PRAG1: variants seen among roughly 807,000 people sequenced by gnomAD.
PRAG1 encodes PEAK1 related, kinase-activating pseudokinase 1.
Under a neutral mutation model 95.6 loss-of-function variants are expected in PRAG1, and 110 were observed. The observed-to-expected ratio is 1.15, with a 90% CI of 0.99 to 1.35. The LOEUF (loss-of-function observed/expected upper bound fraction) is 1.35. PRAG1 is among the 40% of genes most tolerant of loss of function. The probability of loss-of-function intolerance (pLI) is 0.00; values close to 1 mark genes in which losing one functional copy is unlikely to be tolerated. For synonymous variants in PRAG1, 1,052 were observed against 819.4 expected (o/e 1.28, Z -4.85); for missense variants, 2,554 against 1,864.7 (o/e 1.37, Z -6.81).
chr8:8,323,188 G>A (rs1371559533), intron 5 of PRAG1, among the ~76,000 whole-genome samples: 1 of 152,134 alleles, frequency 6.6e-6, no homozygotes, highest in Non-Finnish European at 1.5e-5. Flanking sequence ...GTTTGGCTGT[G>A]TCCCCAAACG....
rs757695897 is a variant in PRAG1, at chr8:8,328,082, G to T, written c.2700C>A (p.Gly900=). ...GHWLPAAGLA[G]NRGGCGSPGL... The stretch of plus-strand genomic sequence containing the variant: ...CAGGGCTCCCGCAGCCGCCTCTGTT[G>T]CCCGCCAGCCCTGCTGCCGGAAGCC... The change falls in exon 5 of 6, where the codon GGC becomes GGA. Residue 900 remains glycine, a synonymous_variant. Coordinates refer to ENST00000615670, the MANE Select transcript of PRAG1 (RefSeq NM_001080826.3). 4.4e-6 allele frequency: 7 copies of T among 1,607,614 alleles called. 1 individual carries two copies. In the South Asian group the frequency reaches 6.6e-5, roughly 15 times the overall value.
chr8:8,347,694 G>A (rs1413419856), intron 3 of PRAG1, among the ~76,000 whole-genome samples: 1 of 152,154 alleles, frequency 6.6e-6, no homozygotes, highest in East Asian at 1.9e-4. Flanking sequence ...TCTGTGCCAA[G>A]CGCTGTTAGG....
At chr8:8,375,424 G>C (rs541243534) in intron 3 of PRAG1, among the ~76,000 whole-genome samples, 1 of 151,958 alleles carries the variant, frequency 6.6e-6, no homozygotes, top group Admixed American at 6.6e-5. Flanking sequence ...GGATGGTCTC[G>C]ATCTCCTGAT....
At chr8:8,366,708 T>G (rs1044826703) in intron 3 of PRAG1, among the ~76,000 whole-genome samples, 2 of 152,042 alleles carry the variant, frequency 1.3e-5, no homozygotes, top group African/African-American at 2.4e-5. Context: ...AGACAAGATC[T>G]GACCTTGTCA....
chr8:8,385,003 T>G (rs530927800), intron 1 of PRAG1, among the ~76,000 whole-genome samples: 19 of 152,268 alleles, frequency 1.2e-4, no homozygotes, highest in Middle Eastern at 3.4e-3. Context: ...CCACCCCATT[T>G]CAAAAAAGAA....
rs749305020 is a variant in PRAG1, at chr8:8,376,228, G to A, written c.2162+19C>T. The A allele has an allele frequency of 1.1e-5, 18 of 1,605,410 alleles. No homozygotes were observed. The South Asian group carries it at 1.6e-4, about 14-fold the overall frequency. ...CCTTTGCCCTGCAGACAGAGTCCCA[G>A]GCAGACAATGGTACTCACCGCGACT... On this transcript the variant is annotated intron_variant, in intron 3 of 5. Transcript: ENST00000615670.
At position 8,318,979 on chromosome 8, in the gene PRAG1, C is replaced by G. The variant is rs1201540142; in HGVS notation, c.3396G>C (p.Gly1132=). Residue 1132 remains glycine, a synonymous_variant, in exon 6 of 6, where the codon GGG becomes GGC. Transcript: ENST00000615670. The surrounding 1 kb of genome is among the most constrained non-coding windows in gnomAD (Gnocchi z 4.2). ...VCFLLLQLCN[G]LEHLKEHGII... Reference sequence around the variant, plus strand: ...TCCCGTGCTCCTTCAGGTGCTCCAGCCCGTTGCAGAGTTGCAGAAGCAGGA... The same window carrying G: ...TCCCGTGCTCCTTCAGGTGCTCCAGGCCGTTGCAGAGTTGCAGAAGCAGGA... The G allele has an allele frequency of 2.5e-6, 4 of 1,613,242 alleles. No individual in the cohort carries two copies. Among genetic ancestry groups the G allele is most frequent in the Non-Finnish European group, 2.5e-6 (3 of 1,179,776 alleles).
chr8:8,335,015 G>A (rs1298380981), intron 4 of PRAG1, among the ~76,000 whole-genome samples: 2 of 151,732 alleles, frequency 1.3e-5, no homozygotes, highest in African/African-American at 2.4e-5. Flanking sequence ...GGCTTGCAGT[G>A]AGCAGAGATT....
chr8:8,355,390 G>A (rs988902686), intron 3 of PRAG1, among the ~76,000 whole-genome samples: 1 of 151,970 alleles, frequency 6.6e-6, no homozygotes, highest in Non-Finnish European at 1.5e-5. Flanking sequence ...CAAAGGCATT[G>A]TTCACAGAAA....
chr8:8,370,913 T>C (rs1585269208), intron 3 of PRAG1, among the ~76,000 whole-genome samples: 1 of 151,902 alleles, frequency 6.6e-6, no homozygotes, highest in African/African-American at 2.4e-5. Context: ...CTTTGGCAGG[T>C]GGATTACTTG....
intron 5 of PRAG1, among the ~76,000 whole-genome samples, chr8:8,324,432 C>T (rs1291925325): frequency 6.6e-6 from 1 of 152,016 alleles, no homozygotes; most frequent in African/African-American, 2.4e-5. Context: ...AGGCCAGCAA[C>T]GGAGAAGGCT....
chr8:8,346,328 T>C (rs1480040766), intron 3 of PRAG1, among the ~76,000 whole-genome samples: 1 of 152,246 alleles, frequency 6.6e-6, no homozygotes. Context: ...CACAGATGTC[T>C]TCACTCACGT....
intron 3 of PRAG1, among the ~76,000 whole-genome samples, chr8:8,354,295 G>A (rs944034403): frequency 2.0e-5 from 3 of 151,484 alleles, no homozygotes; most frequent in Non-Finnish European, 2.9e-5. Flanking sequence ...TTCCAACGAA[G>A]AAAACCCCAG....
chr8:8,324,554 C>A (rs750392168), intron 5 of PRAG1, among the ~76,000 whole-genome samples: 3 of 152,140 alleles, frequency 2.0e-5, no homozygotes, highest in Non-Finnish European at 2.9e-5. Context: ...GGCTTTTTCT[C>A]CATCTCCATC....
In PRAG1 at chr8:8,376,495, CCGGCA is replaced by C. The variant is rs1159982191; in HGVS notation, c.1909_1913del (p.Cys637AspfsTer62). Reference sequence around the variant, plus strand: ...GCTCCACCTCCTCTTCTTCCTCTATCCGGCACTGACGACTCCAGGTGCCTGCCTGG... The same window carrying C: ...GCTCCACCTCCTCTTCTTCCTCTATCCTGACGACTCCAGGTGCCTGCCTGG... On this transcript the variant is annotated frameshift_variant, in exon 3 of 6. Transcript: ENST00000615670. LOFTEE classifies it high-confidence loss of function. The C allele has an allele frequency of 4.3e-6, 7 of 1,612,702 alleles. No individual in the cohort carries two copies. The highest frequency in any genetic ancestry group is 5.9e-6 in the Non-Finnish European group (7 of 1,179,240).
chr8:8,370,385 T>C (rs1453887473), intron 3 of PRAG1, among the ~76,000 whole-genome samples: 2 of 152,224 alleles, frequency 1.3e-5, no homozygotes, highest in Non-Finnish European at 2.9e-5. Flanking sequence ...ATACGGCCAG[T>C]ATTCATTCTC....
chr8:8,343,067 G>C (rs1360386203), intron 3 of PRAG1, among the ~76,000 whole-genome samples: 1 of 151,956 alleles, frequency 6.6e-6, no homozygotes, highest in Admixed American at 6.6e-5. Context: ...CTAAGAAACA[G>C]ACAAATGACC....
chr8:8,350,042 A>C (rs545292643), intron 3 of PRAG1, among the ~76,000 whole-genome samples: 3 of 152,254 alleles, frequency 2.0e-5, no homozygotes, highest in South Asian at 4.1e-4. Context: ...AAATTCTTAA[A>C]TTGGTCAGAT....
chr8:8,379,079 A>G (rs989639465), intron 2 of PRAG1, among the ~76,000 whole-genome samples: 1 of 151,496 alleles, frequency 6.6e-6, no homozygotes. Context: ...TCTGAACTGG[A>G]TCAGGGTGAG....
Sources: gnomAD v4.1 joint callset for allele counts (sites outside exome capture counted in the v4.1 genomes callset) on GRCh38, gnomAD v4.1.1 for gene constraint, Gnocchi (gnomAD v3.1) non-coding constraint, MANE v1.5 for transcripts, NCBI Gene and HGNC (gene_info 2026-07-23, HGNC 2026-07-21) for gene names.